STEAP2: variants seen among roughly 807,000 people sequenced by gnomAD.
The protein encoded by STEAP2 is metalloreductase STEAP2.
STEAP2 carries 30 observed loss-of-function variants against 46.4 expected under a neutral mutation model. The observed-to-expected ratio is 0.65, with a 90% confidence interval of 0.48 to 0.88. The LOEUF (loss-of-function observed/expected upper bound fraction) is 0.88, where lower values mean the gene tolerates loss of function less well. Among genes scored for constraint, STEAP2 ranks in the 40% least tolerant of loss-of-function variants. STEAP2 has a pLI of 0.00. For synonymous variants in STEAP2, 180 were observed against 200.5 expected, an observed-to-expected ratio of 0.90 and a Z score of 0.86; for missense variants, 513 against 579.3, an observed-to-expected ratio of 0.89 and a Z score of 1.18.
In STEAP2 at chr7:90,225,224, C is replaced by A; in HGVS notation, c.142C>A (p.Arg48=). ...AGATTTTGCCAAATCCTTGACCATT[C>A]GACTTATTAGATGCGGCTATCATGT... ...SGDFAKSLTI[R]LIRCGYHVVI... The change falls in exon 3 of 6, where the codon CGA becomes AGA. Residue 48 remains arginine (R), a synonymous_variant. Transcript: ENST00000394621. 6.2e-7 allele frequency: 1 copy of A among 1,613,882 alleles called. No individual in the cohort carries two copies. The highest frequency in any genetic ancestry group is 1.1e-5 in the South Asian group (1 of 91,066).
rs1584256791 is a variant in STEAP2, at chr7:90,236,806, A to G, written c.*4182A>G. 6.3e-7 allele frequency: 1 copy of G among 1,577,270 alleles called. No individual in the cohort carries two copies. Among genetic ancestry groups the G allele is most frequent in the East Asian group, 2.3e-5 (1 of 43,894 alleles). ...GATTCTTCCAGTGGCCAGATGAGCTAAATTAAATCACAAAAGCAGATGCTT... is the reference window on the plus strand; with the variant it reads ...GATTCTTCCAGTGGCCAGATGAGCTGAATTAAATCACAAAAGCAGATGCTT... On this transcript the variant is annotated 3_prime_UTR_variant, in exon 6 of 6. Transcript: ENST00000394621.
intron 2 of STEAP2, among the ~76,000 whole-genome samples, chr7:90,216,943 A>G (rs1009715188): frequency 1.3e-5 from 2 of 152,320 alleles, no homozygotes; most frequent in East Asian, 3.9e-4. Flanking sequence ...TAGCTCATTC[A>G]GAAGCAGCTC....
At chr7:90,215,603 C>G (rs1794982293) in intron 1 of STEAP2, 1 of 152,158 alleles carries the variant, frequency 6.6e-6, no homozygotes, top group African/African-American at 2.4e-5. Flanking sequence ...TATTACACAG[C>G]TTCAAGACTT....
intron 1 of STEAP2, chr7:90,215,484 T>C (rs886289102): frequency 2.0e-5 from 3 of 152,248 alleles, no homozygotes; most frequent in African/African-American, 7.2e-5. Context: ...AAGTATTAAA[T>C]GTGTACAGCA....
At chr7:90,224,885 C>T (rs931495122) in intron 2 of STEAP2, among the ~76,000 whole-genome samples, 165 bp from the exon 3 acceptor site, 5 of 152,106 alleles carry the variant, frequency 3.3e-5, no homozygotes, top group African/African-American at 1.2e-4. Flanking sequence ...GAAGAGAAAC[C>T]AGAATAGTGA....
At chr7:90,219,884 C>T (rs1795179575) in intron 2 of STEAP2, among the ~76,000 whole-genome samples, 1 of 152,062 alleles carries the variant, frequency 6.6e-6, no homozygotes, top group Non-Finnish European at 1.5e-5. Flanking sequence ...TACCACCACA[C>T]CTAGCTATTG....
At chr7:90,241,919 G>T (rs10487107), downstream of STEAP2, among the ~76,000 whole-genome samples, 4 of 152,222 alleles carry the variant, frequency 2.6e-5, no homozygotes, top group East Asian at 7.7e-4. Context: ...ATCTGAAGAC[G>T]GTGGCATGTA....
downstream of STEAP2, among the ~76,000 whole-genome samples, chr7:90,239,414 G>A (rs1382626497): frequency 6.6e-6 from 1 of 152,188 alleles, no homozygotes; most frequent in Non-Finnish European, 1.5e-5. Context: ...CCAGTCTGTG[G>A]TATTTGTTAC....
chr7:90,219,242 A>G (rs1795151803), intron 2 of STEAP2, among the ~76,000 whole-genome samples: 2 of 151,754 alleles, frequency 1.3e-5, no homozygotes, highest in African/African-American at 4.8e-5. Flanking sequence ...GGATAATTTG[A>G]CCTTCCTCTT....
chr7:90,216,172 G>A (rs1795004051), intron 1 of STEAP2: 1 of 152,174 alleles, frequency 6.6e-6, no homozygotes, highest in African/African-American at 2.4e-5. Context: ...CTGGGAGCTT[G>A]TGAAAAAATG....
intron 2 of STEAP2, among the ~76,000 whole-genome samples, chr7:90,218,253 G>A (rs376231060): frequency 9.9e-5 from 15 of 152,020 alleles, no homozygotes; most frequent in African/African-American, 2.4e-4. Flanking sequence ...TTTGCTGCAC[G>A]GAAGTCTTTT....
Position 90,234,019 on chromosome 7 carries a change from AACAAATT to A in STEAP2, c.*1396_*1402del. On this transcript the variant is annotated 3_prime_UTR_variant, in exon 6 of 6. Coordinates refer to ENST00000394621, the MANE Select transcript of STEAP2 (RefSeq NM_001244944.2). ...TGCAGTGAAGGGCCCTAGCAGTGTT[AACAAATT>A]GCTGAGATCCCACGGAGTCTTTCAA... The A allele has an allele frequency of 1.0e-6, 1 of 985,368 alleles. No individual in the cohort carries two copies. Among genetic ancestry groups the A allele is most frequent in the Non-Finnish European group, 1.2e-6 (1 of 829,912 alleles). The allele number at this position is 985,368 out of a possible 1,614,324, so 61.0% of individuals were successfully genotyped here.
In STEAP2 at chr7:90,233,438, A is replaced by G; in HGVS notation, c.*814A>G. On this transcript the variant is annotated 3_prime_UTR_variant, in exon 6 of 6. Transcript: ENST00000394621. ...GTATACTAGTTCCTACTTAGAACAA[A>G]AGTATCAAGTTTGCACACAAGTAAT... The G allele has an allele frequency of 1.0e-6, 1 of 985,360 alleles. No homozygotes were observed. The highest frequency in any genetic ancestry group is 1.2e-6 in the Non-Finnish European group (1 of 829,932). The allele number at this position is 985,360 out of a possible 1,614,324, so 61.0% of individuals were successfully genotyped here.
downstream of STEAP2, among the ~76,000 whole-genome samples, chr7:90,239,866 G>A (rs1426027023): frequency 2.0e-5 from 3 of 152,072 alleles, no homozygotes; most frequent in East Asian, 1.9e-4. Flanking sequence ...TCTGTTCCAC[G>A]TGCTTATTCT....
chr7:90,224,546 T>A (rs1387293609), intron 2 of STEAP2, among the ~76,000 whole-genome samples: 2 of 152,200 alleles, frequency 1.3e-5, no homozygotes, highest in African/African-American at 4.8e-5. Context: ...AACGTTGCTG[T>A]TTAACACCAC....
chr7:90,227,504 G>C lies in STEAP2; in HGVS notation c.1020+6G>C, dbSNP rs1392086314. 1.3e-6 allele frequency: 2 copies of C among 1,541,702 alleles called. No homozygotes were observed. The highest frequency in any genetic ancestry group is 1.8e-6 in the Non-Finnish European group (2 of 1,142,556). ...TCAACATGGCTTATCAGCAGGTACTGAATGTGCTTGTTATTTATCTGATGC... is the reference window on the plus strand; with the variant it reads ...TCAACATGGCTTATCAGCAGGTACTCAATGTGCTTGTTATTTATCTGATGC... On this transcript the variant is annotated splice_donor_region_variant and intron_variant, in intron 4 of 5. Transcript: ENST00000394621.
Position 90,232,407 on chromosome 7 carries a change from T to G in STEAP2, c.1256T>G (p.Phe419Cys), listed in dbSNP as rs1170521485. The G allele has an allele frequency of 1.9e-6, 3 of 1,613,528 alleles. No homozygotes were observed. Among genetic ancestry groups the G allele is most frequent in the South Asian group, 2.2e-5 (2 of 91,020 alleles). Residue 419 changes from phenylalanine (F) to cysteine (C), a missense_variant, in exon 6 of 6, where the codon TTT becomes TGT. Transcript: ENST00000394621. Reference protein sequence around the residue: ...HVLIYGWKRAFEEEYYRFYTP... With the variant: ...HVLIYGWKRACEEEYYRFYTP... Reference sequence around the variant, plus strand: ...TTAATTTATGGATGGAAACGAGCTTTTGAGGAAGAGTACTACAGATTTTAT... The same window carrying G: ...TTAATTTATGGATGGAAACGAGCTTGTGAGGAAGAGTACTACAGATTTTAT...
Position 90,233,778 on chromosome 7 carries a change from C to T in STEAP2, c.*1154C>T, listed in dbSNP as rs764552198. On this transcript the variant is annotated 3_prime_UTR_variant, in exon 6 of 6. Transcript: ENST00000394621. ...CCACTAGGCTCTAGAGCTCCCGCCG[C>T]GCCCCTATGCATTATGTTCACAATG... The T allele has an allele frequency of 2.2e-4, 220 of 985,262 alleles. 1 individual carries two copies. Among genetic ancestry groups the T allele is most frequent in the Non-Finnish European group, 2.4e-4 (200 of 829,936 alleles). The allele number at this position is 985,262 out of a possible 1,614,324, so 61.0% of individuals were successfully genotyped here. A position where few individuals can be genotyped will look rare whatever the true frequency, so the allele number is the denominator to read the frequency against.
In STEAP2 at chr7:90,234,544, CTCTT is replaced by C; in HGVS notation, c.*1922_*1925del. On this transcript the variant is annotated 3_prime_UTR_variant, in exon 6 of 6. Coordinates refer to ENST00000394621, the MANE Select transcript of STEAP2 (RefSeq NM_001244944.2). ...TTGGTGAATTTTATTATCTTGTACC[CTCTT>C]TTTTTTTTTTTTTTTTTTTAAAGAC... 5.5e-6 allele frequency: 5 copies of C among 913,650 alleles called. No homozygotes were observed. The highest frequency in any genetic ancestry group is 6.4e-6 in the Non-Finnish European group (5 of 779,486). The allele number at this position is 913,650 out of a possible 1,614,324, so 56.6% of individuals were successfully genotyped here.
Sources: gnomAD v4.1 joint callset for allele counts (sites outside exome capture counted in the v4.1 genomes callset) on GRCh38, gnomAD v4.1.1 for gene constraint, MANE v1.5 for transcripts, NCBI Gene and HGNC (gene_info 2026-07-23, HGNC 2026-07-21) for gene names.